STXBP5L: variants seen among roughly 807,000 people sequenced by gnomAD.
The protein encoded by STXBP5L is syntaxin binding protein 5L, also known as syntaxin-binding protein 5-like.
STXBP5L carries 65 observed loss-of-function variants against 144.5 expected under a neutral mutation model. That is an observed-to-expected ratio of 0.45 (90% CI 0.37 to 0.55). The LOEUF (loss-of-function observed/expected upper bound fraction) is 0.55. Ranked by LOEUF, STXBP5L falls within the 20% of genes least tolerant of loss-of-function variation. STXBP5L has a pLI of 0.00. For synonymous variants in STXBP5L, 505 were observed against 469.6 expected (o/e 1.08, Z -0.97); for missense variants, 1,298 against 1,405.5 (o/e 0.92, Z 1.22).
At chr3:121,003,230 T>G (rs1330133472) in intron 3 of STXBP5L, among the ~76,000 whole-genome samples, 3 of 152,178 alleles carry the variant, frequency 2.0e-5, no homozygotes, top group Non-Finnish European at 4.4e-5. Context: ...GTTTCCTGAC[T>G]TTTTAATGAT....
At chr3:120,993,281 G>GT (rs1198222245) in intron 3 of STXBP5L, among the ~76,000 whole-genome samples, 1 of 151,974 alleles carries the variant, frequency 6.6e-6, no homozygotes, top group Non-Finnish European at 1.5e-5. Flanking sequence ...TCTGTTAATT[G>GT]TTTTCTTGGC....
intron 2 of STXBP5L, among the ~76,000 whole-genome samples, chr3:120,944,275 T>C (rs1710729417): frequency 6.6e-6 from 1 of 151,072 alleles, no homozygotes; most frequent in South Asian, 2.1e-4. Flanking sequence ...GAGCAAAAAA[T>C]ATTGAAAAGT....
intron 3 of STXBP5L, among the ~76,000 whole-genome samples, chr3:120,991,656 A>G (rs542142841): frequency 3.3e-5 from 5 of 152,346 alleles, no homozygotes; most frequent in Admixed American, 3.3e-4. Flanking sequence ...CAGCCATAAA[A>G]AATGATGAGT....
At chr3:121,186,056 G>A (rs1042199163) in intron 9 of STXBP5L, among the ~76,000 whole-genome samples, 2 of 152,088 alleles carry the variant, frequency 1.3e-5, no homozygotes, top group African/African-American at 4.8e-5. Context: ...TCTCTTTGAA[G>A]CAATTGTGAA....
intron 5 of STXBP5L, among the ~76,000 whole-genome samples, chr3:121,113,830 G>T (rs1056690889): frequency 6.6e-6 from 1 of 151,540 alleles, no homozygotes; most frequent in Non-Finnish European, 1.5e-5. Flanking sequence ...CCACCACCAC[G>T]CCCGGCTAAT....
chr3:120,908,598 A>G (rs968185728), intron 1 of STXBP5L, among the ~76,000 whole-genome samples: 1 of 151,166 alleles, frequency 6.6e-6, no homozygotes, highest in Admixed American at 6.6e-5. Context: ...CGGGCGGGCG[A>G]GAGCCCCGCG....
intron 22 of STXBP5L, among the ~76,000 whole-genome samples, chr3:121,389,035 T>A (rs1286026529): frequency 2.0e-5 from 3 of 152,202 alleles, no homozygotes; most frequent in Admixed American, 2.0e-4. Context: ...TTTTTTTGGT[T>A]GGTAGGCTAT....
chr3:120,966,746 A>G (rs1939627474), intron 3 of STXBP5L, among the ~76,000 whole-genome samples: 4 of 152,114 alleles, frequency 2.6e-5, no homozygotes, highest in Admixed American at 2.0e-4. Flanking sequence ...CTTAGGCTAC[A>G]AGGGGGTCAG....
intron 22 of STXBP5L, among the ~76,000 whole-genome samples, chr3:121,383,198 A>G (rs1405059846): frequency 1.3e-5 from 2 of 152,032 alleles, no homozygotes; most frequent in African/African-American, 4.8e-5. Flanking sequence ...GCACTTTGGG[A>G]GGCCAAGGTA....
intron 18 of STXBP5L, among the ~76,000 whole-genome samples, chr3:121,269,323 T>C (rs2050669404): frequency 6.6e-6 from 1 of 152,118 alleles, no homozygotes; most frequent in Middle Eastern, 3.2e-3. Context: ...TTGAAGAACA[T>C]ATCAAGGGGC....
At chr3:121,020,605 T>A (rs1945478238) in intron 3 of STXBP5L, among the ~76,000 whole-genome samples, 2 of 152,302 alleles carry the variant, frequency 1.3e-5, no homozygotes, top group South Asian at 4.1e-4. Context: ...GGTTCCTATC[T>A]TTAGTTTCCT....
At chr3:121,282,292 A>G in intron 19 of STXBP5L, 6 of 1,612,062 alleles carry the variant, frequency 3.7e-6, no homozygotes, top group Non-Finnish European at 5.1e-6. Context: ...TGGCCTGTCT[A>G]ACTTTTATCC....
At chr3:121,307,899 T>C (rs2043393117) in intron 19 of STXBP5L, among the ~76,000 whole-genome samples, 1 of 151,858 alleles carries the variant, frequency 6.6e-6, no homozygotes, top group African/African-American at 2.4e-5. Flanking sequence ...TGAAACACGC[T>C]ACAAGGCAAA....
intron 5 of STXBP5L, among the ~76,000 whole-genome samples, chr3:121,061,652 C>A (rs1212908038): frequency 6.6e-6 from 1 of 152,136 alleles, no homozygotes; most frequent in Non-Finnish European, 1.5e-5. Flanking sequence ...CCGGGTGCTC[C>A]TGTATGTGGT....
At chr3:121,053,930 G>T (rs959996260) in intron 5 of STXBP5L, among the ~76,000 whole-genome samples, 1 of 152,006 alleles carries the variant, frequency 6.6e-6, no homozygotes, top group Non-Finnish European at 1.5e-5. Flanking sequence ...AGTGGGCAAA[G>T]GATATGAACA....
chr3:121,101,015 A>C (rs1319387807), intron 5 of STXBP5L, among the ~76,000 whole-genome samples: 2 of 151,992 alleles, frequency 1.3e-5, no homozygotes, highest in African/African-American at 4.8e-5. Context: ...AATCCCTGGA[A>C]GCACAGCCTC....
chr3:121,180,881 AAAAG>A (rs1175889807), intron 9 of STXBP5L, among the ~76,000 whole-genome samples: 1 of 148,578 alleles, frequency 6.7e-6, no homozygotes, highest in Non-Finnish European at 1.5e-5. Flanking sequence ...CTTGAAAAGA[AAAAG>A]AAGAGAAGAC....
chr3:121,026,748 A>G (rs919335460), intron 3 of STXBP5L, among the ~76,000 whole-genome samples: 1 of 152,100 alleles, frequency 6.6e-6, no homozygotes, highest in African/African-American at 2.4e-5. Flanking sequence ...AGGAAGAAAA[A>G]GTAAAATCAG....
intron 3 of STXBP5L, 25 bp from the exon 4 acceptor site, chr3:121,041,673 TAG>T (rs1319254500): frequency 6.5e-7 from 1 of 1,545,988 alleles, no homozygotes; most frequent in Non-Finnish European, 8.9e-7. Flanking sequence ...ATTAAAATGT[TAG>T]AATCCTTGAC....
Sources: gnomAD v4.1 joint callset for allele counts (sites outside exome capture counted in the v4.1 genomes callset) on GRCh38, gnomAD v4.1.1 for gene constraint, MANE v1.5 for transcripts, NCBI Gene and HGNC (gene_info 2026-07-23, HGNC 2026-07-21) for gene names.